SNX29: variants seen among roughly 807,000 people sequenced by gnomAD.
The protein encoded by SNX29 is sorting nexin 29.
Under a neutral mutation model 102.1 loss-of-function variants are expected in SNX29, and 78 were observed. The ratio of observed to expected loss-of-function variants is 0.76; its 90% CI spans 0.64 to 0.92. The LOEUF (loss-of-function observed/expected upper bound fraction) is 0.92. Among genes scored for constraint, SNX29 ranks in the 40% least tolerant of loss-of-function variants. The pLI is 0.00. For missense variants in SNX29, 1,280 were observed against 1,061.7 expected (o/e 1.21, Z -2.86); for synonymous variants, 580 against 414.5 (o/e 1.40, Z -4.85).
intron 20 of SNX29, among the ~76,000 whole-genome samples, chr16:12,549,012 G>C (rs577646742): frequency 6.6e-6 from 1 of 152,342 alleles, no homozygotes; most frequent in Admixed American, 6.5e-5. Context: ...CGTTGTAACA[G>C]CATAAAAAGC....
intron 14 of SNX29, among the ~76,000 whole-genome samples, chr16:12,269,373 C>G (rs1413835729): frequency 6.6e-6 from 1 of 152,196 alleles, no homozygotes; most frequent in Non-Finnish European, 1.5e-5. Flanking sequence ...CTGAATCCTG[C>G]TTGGAGGCTC....
intron 3 of SNX29, among the ~76,000 whole-genome samples, chr16:12,020,846 A>G (rs1716774330): frequency 6.6e-6 from 1 of 151,856 alleles, no homozygotes; most frequent in African/African-American, 2.4e-5. Flanking sequence ...CTGGTCTGGA[A>G]CTCCTGACCT....
At chr16:12,077,392 T>TGG (rs1330248714) in intron 10 of SNX29, among the ~76,000 whole-genome samples, 1 of 139,722 alleles carries the variant, frequency 7.2e-6, no homozygotes, top group African/African-American at 2.8e-5. Context: ...TCATGGTGTG[T>TGG]GTGTGTGTGT....
chr16:12,073,299 G>C (rs1015903478), intron 10 of SNX29, among the ~76,000 whole-genome samples: 1 of 151,918 alleles, frequency 6.6e-6, no homozygotes, highest in East Asian at 1.9e-4. Flanking sequence ...GCTTTCTCTT[G>C]TGGGCATTTA....
At chr16:12,276,289 CA>C in intron 14 of SNX29, among the ~76,000 whole-genome samples, 1 of 152,188 alleles carries the variant, frequency 6.6e-6, no homozygotes, top group East Asian at 1.9e-4. Flanking sequence ...TTTTTCTTTC[CA>C]TAACTGTTTG....
chr16:12,545,009 C>T (rs1432183363), intron 20 of SNX29, among the ~76,000 whole-genome samples: 2 of 152,178 alleles, frequency 1.3e-5, no homozygotes, highest in African/African-American at 2.4e-5. Context: ...AGCTAGGAAG[C>T]AGCAGATGTC....
chr16:12,418,814 C>T (rs999098523), intron 18 of SNX29, among the ~76,000 whole-genome samples: 3 of 152,210 alleles, frequency 2.0e-5, no homozygotes, highest in South Asian at 2.1e-4. Context: ...AGCACCTGGC[C>T]ATGTTTCCAA....
intron 13 of SNX29, among the ~76,000 whole-genome samples, chr16:12,171,428 G>A (rs1481920935): frequency 6.6e-6 from 1 of 152,192 alleles, no homozygotes; most frequent in Non-Finnish European, 1.5e-5. Context: ...TCATACCAGA[G>A]CATGGGCTTT....
rs536734709 is a variant in SNX29 at position 12,569,516 on chromosome 16, A to C, written c.*887A>C. 1.6e-4 allele frequency: 38 copies of C among 231,758 alleles called. No individual in the cohort carries two copies. Among genetic ancestry groups the C allele is most frequent in the African/African-American group, 7.9e-4 (36 of 45,386 alleles). 14.4% of individuals were successfully genotyped at this position (231,758 alleles called of 1,614,324 possible). A position where few individuals can be genotyped will look rare whatever the true frequency, so the allele number is the denominator to read the frequency against. On this transcript the variant is annotated 3_prime_UTR_variant, in exon 21 of 21. Transcript: ENST00000566228. Reference sequence around the variant, plus strand: ...TTCCAGGGTTTTCAAACCAGGCTCCATGACTATGAAGTTGGACCCAGTGTG... The same window carrying C: ...TTCCAGGGTTTTCAAACCAGGCTCCCTGACTATGAAGTTGGACCCAGTGTG...
intron 14 of SNX29, among the ~76,000 whole-genome samples, chr16:12,247,255 G>T (rs2078286515): frequency 6.6e-6 from 1 of 152,096 alleles, no homozygotes; most frequent in East Asian, 1.9e-4. Flanking sequence ...TGGAGATGAT[G>T]GGAATTAAAA....
rs184229400 is a variant in SNX29, at chr16:12,356,519, G to T, written c.1899+240G>T. 2.0e-3 allele frequency among the ~76,000 whole-genome samples: 298 copies of T among 152,204 alleles called. 2 individuals carry two copies. The highest frequency in any genetic ancestry group is 6.8e-3 in the African/African-American group (283 of 41,518). The stretch of plus-strand genomic sequence containing the variant: ...TTCTAGTCATCTATAGTTAAAATTG[G>T]CATATAGTCCCCTCCCCCCGCAAAC... On this transcript the variant is annotated intron_variant, in intron 16 of 20. Coordinates refer to ENST00000566228, the MANE Select transcript of SNX29 (RefSeq NM_032167.5).
In SNX29 at chr16:12,165,112, A is replaced by C. The variant is rs933803026; in HGVS notation, c.1596-34489A>C. Among the ~76,000 whole-genome samples the C allele has an allele frequency of 2.0e-5, 3 of 152,234 alleles. No homozygotes were observed. In the East Asian group the frequency reaches 5.8e-4, roughly 29 times the overall value. On this transcript the variant is annotated intron_variant, in intron 13 of 20. Transcript: ENST00000566228. ...AGGAACAGGATAAGGACCACTTAGC[A>C]GAACTTTTGGAGACATACTGGCATC...
rs772746070 is a variant in SNX29 at position 12,048,537 on chromosome 16, C to G, written c.665C>G (p.Thr222Arg). 5.6e-6 allele frequency: 9 copies of G among 1,613,846 alleles called. No individual in the cohort carries two copies. Among genetic ancestry groups the G allele is most frequent in the African/African-American group, 1.3e-5 (1 of 74,918 alleles). ...QGVSSLFREI[T>R]ASSAVSILIK... ...GTGAGCAGCCTGTTCAGGGAGATCA[C>G]AGCCTCCTCTGCCGTCTCCATCCTC... The change falls in exon 7 of 21, where the codon ACA becomes AGA. Residue 222 changes from threonine to arginine, a missense_variant. By Grantham distance (71) the Thr-to-Arg change is moderately conservative. Transcript: ENST00000566228.
In SNX29 at chr16:12,238,138, T is replaced by A. The variant is rs538804917; in HGVS notation, c.1678+38455T>A. ...GCAGGCCAGTGGCCTTTAGACCTTTTAAAAATCATTGTGGTAAAACATATG... is the reference window on the plus strand; with the variant it reads ...GCAGGCCAGTGGCCTTTAGACCTTTAAAAAATCATTGTGGTAAAACATATG... On this transcript the variant is annotated intron_variant, in intron 14 of 20. Coordinates refer to ENST00000566228, the MANE Select transcript of SNX29 (RefSeq NM_032167.5). 3.0e-4 allele frequency among the ~76,000 whole-genome samples: 45 copies of A among 152,234 alleles called. 1 individual carries two copies. Among genetic ancestry groups the A allele is most frequent in the Admixed American group, 2.4e-3 (36 of 15,294 alleles).
At chr16:12,235,730 GT>G (rs1404894518) in intron 14 of SNX29, among the ~76,000 whole-genome samples, 1 of 152,076 alleles carries the variant, frequency 6.6e-6, no homozygotes, top group African/African-American at 2.4e-5. Flanking sequence ...CTTCATCAGT[GT>G]TTTGAACAGA....
chr16:12,317,173 T>C (rs1009589292), intron 15 of SNX29, among the ~76,000 whole-genome samples: 1 of 152,194 alleles, frequency 6.6e-6, no homozygotes, highest in Admixed American at 6.5e-5. Flanking sequence ...GGACTGTCTT[T>C]AGGTTAACAA....
At chr16:12,362,551 A>ACCACCCC (rs1464136306) in intron 16 of SNX29, among the ~76,000 whole-genome samples, 6 of 23,528 alleles carry the variant, frequency 2.6e-4, no homozygotes, top group African/African-American at 7.0e-4. Context: ...TGGCTGCTGC[A>ACCACCCC]CTCCCCCCCC....
intron 14 of SNX29, among the ~76,000 whole-genome samples, chr16:12,265,631 T>C (rs9937220): frequency 6.9e-6 from 1 of 144,164 alleles, no homozygotes; most frequent in Admixed American, 7.2e-5. Context: ...GAGGCTGAGG[T>C]GGGTGGATCA....
rs1322640212 is a variant in SNX29 at position 12,087,922 on chromosome 16, C to T, written c.1402+9007C>T. On this transcript the variant is annotated intron_variant, in intron 11 of 20. Coordinates refer to ENST00000566228, the MANE Select transcript of SNX29 (RefSeq NM_032167.5). ...ATTCCTGCTGGTGGAGCTGCTGCCG[C>T]CTCTGCAATACGCTTTTGAAGGAGG... The T allele has an allele frequency of 6.6e-6, 3 of 456,662 alleles. No individual in the cohort carries two copies. The East Asian group carries it at 2.1e-4, about 32-fold the overall frequency. 28.3% of individuals were successfully genotyped at this position (456,662 alleles called of 1,614,324 possible).
Sources: gnomAD v4.1 joint callset for allele counts (sites outside exome capture counted in the v4.1 genomes callset) on GRCh38, gnomAD v4.1.1 for gene constraint, MANE v1.5 for transcripts, NCBI Gene and HGNC (gene_info 2026-07-23, HGNC 2026-07-21) for gene names.